The following DYTN variants were observed in gnomAD, a reference collection of about 807,000 sequenced individuals.
DYTN encodes dystrotelin.
DYTN carries 75 observed loss-of-function variants against 69.6 expected under a neutral mutation model. The ratio of observed to expected loss-of-function variants is 1.08; its 90% CI spans 0.89 to 1.31. DYTN has a LOEUF of 1.31. Among genes scored for constraint, DYTN ranks in the 50% most tolerant of loss-of-function variants. The probability of loss-of-function intolerance (pLI) is 0.00; values close to 1 mark genes in which losing one functional copy is unlikely to be tolerated. For synonymous variants in DYTN, 252 were observed against 249.1 expected, an observed-to-expected ratio of 1.01 and a Z score of -0.11; for missense variants, 726 against 688.4, an observed-to-expected ratio of 1.05 and a Z score of -0.61.
At chr2:206,677,693 A>C (rs888748081) in intron 9 of DYTN, among the ~76,000 whole-genome samples, 1 of 152,110 alleles carries the variant, frequency 6.6e-6, no homozygotes, top group Admixed American at 6.6e-5. Flanking sequence ...AAAGAAAGAG[A>C]CTGATAATGT....
intron 8 of DYTN, among the ~76,000 whole-genome samples, chr2:206,694,279 C>A (rs1055844834): frequency 1.3e-5 from 2 of 152,044 alleles, no homozygotes; most frequent in Non-Finnish European, 2.9e-5. Context: ...TAGTTGTATA[C>A]TTTTTCAGTC....
rs147340719 is a variant in DYTN at position 206,661,739 on chromosome 2, A to G, written c.1633+1164T>C. 4.0e-3 allele frequency among the ~76,000 whole-genome samples: 614 copies of G among 152,334 alleles called. 3 individuals carry two copies. Among genetic ancestry groups the G allele is most frequent in the African/African-American group, 0.014 (586 of 41,580 alleles). On this transcript the variant is annotated intron_variant, in intron 11 of 11. Transcript: ENST00000452335. ...TAATCAACCGTTTATGTTCATTGGT[A>G]AGGCTTCCAGTCAACAGTAGGCTAT... is the stretch of plus-strand genomic sequence containing the variant.
Position 206,700,180 on chromosome 2 carries a change from G to C in DYTN, c.520C>G (p.Pro174Ala), listed in dbSNP as rs1559315817. The change falls in exon 6 of 12, where the codon CCT (proline) becomes GCT (alanine). Residue 174 changes from proline to alanine, a missense_variant. Physicochemically the swap from Pro to Ala is conservative, Grantham distance 27. Transcript: ENST00000452335. ...CAGCTGCGGGTGGCACTTTCCACAG[G>C]GCACAGAGCACGACTCTCTCCCACG... ...TFVGESRALC[P>A]VESATRSCFQ... The C allele has an allele frequency of 6.2e-7, 1 of 1,613,878 alleles. No individual in the cohort carries two copies. The highest frequency in any genetic ancestry group is 1.1e-5 in the South Asian group (1 of 91,080).
Position 206,704,902 on chromosome 2 carries a change from C to A in DYTN, c.424G>T (p.Asp142Tyr). 3 of 1,613,876 alleles carry A rather than the reference C, an allele frequency of 1.9e-6. No homozygotes were observed. The highest frequency in any genetic ancestry group is 3.3e-5 in the Admixed American group (2 of 60,014). The change falls in exon 5 of 12, where the codon GAT becomes TAT. Residue 142 changes from aspartate to tyrosine, a missense_variant. Asp to Tyr is a radical substitution (Grantham distance 160). Transcript: ENST00000452335. ...LYAENSRGGY[D>Y]SGPRMTRRVL... ...CTTCGAGTCATGCGTGGCCCAGAATCATAGCCTCCCCTGCTATTTTCTGCA... is the reference window on the plus strand; with the variant it reads ...CTTCGAGTCATGCGTGGCCCAGAATAATAGCCTCCCCTGCTATTTTCTGCA...
chr2:206,655,505 G>T (rs904861171), intron 11 of DYTN, among the ~76,000 whole-genome samples: 1 of 152,014 alleles, frequency 6.6e-6, no homozygotes, highest in South Asian at 2.1e-4. Context: ...GATCTTCCAG[G>T]CTCAGGCCAT....
intron 2 of DYTN, 138 bp downstream of exon 2, chr2:206,710,386 A>G (rs2105902338): frequency 1.4e-6 from 1 of 738,898 alleles, no homozygotes; most frequent in Admixed American, 3.5e-5. Flanking sequence ...CTCTGTCACG[A>G]ATGGGCTAAA....
intron 1 of DYTN, among the ~76,000 whole-genome samples, chr2:206,717,665 C>G (rs1700142282): frequency 6.6e-6 from 1 of 152,134 alleles, no homozygotes; most frequent in African/African-American, 2.4e-5. Context: ...AACTAGGGAT[C>G]ATACAGAATT....
chr2:206,688,332 T>C (rs6737090), intron 9 of DYTN, among the ~76,000 whole-genome samples: 83,721 of 152,018 alleles, frequency 0.55, 23,711 homozygotes, highest in East Asian at 0.69. Context: ...ATTTTTTCAT[T>C]AAGGCACATC....
intron 9 of DYTN, among the ~76,000 whole-genome samples, chr2:206,667,697 C>CGTGTGTGTGTGTGT (rs71410894): frequency 3.5e-5 from 5 of 144,038 alleles, no homozygotes; most frequent in African/African-American, 1.3e-4. Context: ...TTTGCGTGTG[C>CGTGTGTGTGTGTGT]GTGTGTGTGT....
intron 11 of DYTN, among the ~76,000 whole-genome samples, chr2:206,654,087 G>A (rs928782008): frequency 6.6e-6 from 1 of 152,232 alleles, no homozygotes; most frequent in African/African-American, 2.4e-5. Flanking sequence ...ATGAATTAGC[G>A]ATTGAATGAT....
chr2:206,699,729 G>C lies in DYTN; in HGVS notation c.717C>G (p.Leu239=), dbSNP rs750463873. 1.7e-5 allele frequency: 27 copies of C among 1,612,474 alleles called. No homozygotes were observed. The highest frequency in any genetic ancestry group is 3.3e-5 in the Admixed American group (2 of 59,742). Reference sequence around the variant, plus strand: ...AGAAATGCTGCTGATGACTGTACCTGAGTCCCGTGATTGGGAAAGTCCTGC... The same window carrying C: ...AGAAATGCTGCTGATGACTGTACCTCAGTCCCGTGATTGGGAAAGTCCTGC... ...TLCRTFPITG[L]RYRCLKCLNF... is the part of the protein sequence containing the mutation. Residue 239 remains leucine (L), a splice_region_variant and synonymous_variant, in exon 7 of 12, where the codon CTC becomes CTG. Coordinates refer to ENST00000452335, the MANE Select transcript of DYTN (RefSeq NM_001093730.1).
chr2:206,662,315 T>G (rs1699520629), intron 11 of DYTN, among the ~76,000 whole-genome samples: 1 of 152,168 alleles, frequency 6.6e-6, no homozygotes, highest in African/African-American at 2.4e-5. Context: ...TGTAACCCCA[T>G]TGTAAACTGA....
At chr2:206,684,484 T>C (rs1699785368) in intron 9 of DYTN, among the ~76,000 whole-genome samples, 2 of 152,092 alleles carry the variant, frequency 1.3e-5, no homozygotes, top group Non-Finnish European at 2.9e-5. Flanking sequence ...TTAAAATTAT[T>C]TGTAGAGATG....
In DYTN at chr2:206,666,189, C is replaced by T. The variant is rs111693937; in HGVS notation, c.981-160G>A. ...GTTGAGATGGAGCCTCGCTCTGTCA[C>T]CTAGGCTGGAGAATGCAGTGGCGCG... On this transcript the variant is annotated intron_variant, in intron 9 of 11. Transcript: ENST00000452335. Among the ~76,000 whole-genome samples the T allele has an allele frequency of 1.8e-4, 28 of 152,196 alleles. 2 individuals are homozygous for T. Among genetic ancestry groups the T allele is most frequent in the African/African-American group, 5.3e-4 (22 of 41,554 alleles).
chr2:206,698,261 A>C (rs149692220), intron 7 of DYTN, among the ~76,000 whole-genome samples: 1 of 152,274 alleles, frequency 6.6e-6, no homozygotes, highest in African/African-American at 2.4e-5. Flanking sequence ...AATTTTCATG[A>C]ATGAAGTTTC....
At chr2:206,695,084 T>G (rs567749077) in intron 7 of DYTN, among the ~76,000 whole-genome samples, 1 of 152,348 alleles carries the variant, frequency 6.6e-6, no homozygotes, top group South Asian at 2.1e-4. Flanking sequence ...ATGATAGTAT[T>G]TTCAAATGGC....
Position 206,694,883 on chromosome 2 carries a change from A to G in DYTN, c.720-6T>C. 1 of 1,560,940 alleles carries G rather than the reference A, an allele frequency of 6.4e-7. No homozygotes were observed. The highest frequency in any genetic ancestry group is 1.2e-5 in the South Asian group (1 of 83,620). ...GACACTTCAGACAGCGGTATCTGCC[A>G]GTTAAAATAGAAGCACAGCTTACGT... is the stretch of plus-strand genomic sequence containing the variant. On this transcript the variant is annotated splice_polypyrimidine_tract_variant and splice_region_variant and intron_variant, in intron 7 of 11. Coordinates refer to ENST00000452335, the MANE Select transcript of DYTN (RefSeq NM_001093730.1).
rs772861150 is a variant in DYTN, at chr2:206,659,484, C to CAAAAAAAAAAA, written c.1633+3408_1633+3418dup. On this transcript the variant is annotated intron_variant, in intron 11 of 11. Coordinates refer to ENST00000452335, the MANE Select transcript of DYTN (RefSeq NM_001093730.1). ...CCACCACGCCGGGCCCAACAATTCT[C>CAAAAAAAAAAA]AAAAAAAAAAAAAAAAAAAAAAAAA... Among the ~76,000 whole-genome samples, 67 of 64,576 alleles carry CAAAAAAAAAAA rather than the reference C, an allele frequency of 1.0e-3. 3 individuals carry two copies. The highest frequency in any genetic ancestry group is 3.6e-3 in the African/African-American group (63 of 17,628). 42.4% of individuals were successfully genotyped at this position (64,576 alleles called of 152,430 possible).
Position 206,663,197 on chromosome 2 carries a change from C to A in DYTN, c.1339G>T (p.Glu447Ter), listed in dbSNP as rs1699532076. Reference sequence around the variant, plus strand: ...GATTCTGGATTTCGCAGAGCATGCTCTGCATTTGTGTGACTTCTGTGACTT... The same window carrying A: ...GATTCTGGATTTCGCAGAGCATGCTATGCATTTGTGTGACTTCTGTGACTT... ...DRSHRSHTNA[E>*]HALRNPESPE... The change falls in exon 11 of 12, where the codon GAG becomes TAG. Residue 447 changes from glutamate to a stop codon, truncating the protein, a stop_gained. Transcript: ENST00000452335. LOFTEE classifies it high-confidence loss of function. 1 of 1,613,960 alleles carries A rather than the reference C, an allele frequency of 6.2e-7. No homozygotes were observed. Among genetic ancestry groups the A allele is most frequent in the Non-Finnish European group, 8.5e-7 (1 of 1,179,894 alleles).
Sources: allele counts gnomAD v4.1 joint callset (sites outside exome capture counted in the v4.1 genomes callset), GRCh38; gene constraint gnomAD v4.1.1; transcripts MANE v1.5; gene names NCBI Gene and HGNC (gene_info 2026-07-23, HGNC 2026-07-21).